Variants in RNMT observed in about 807,000 individuals in gnomAD.
The protein encoded by RNMT is mRNA cap guanine-N(7) methyltransferase.
Under a neutral mutation model 56.0 loss-of-function variants are expected in RNMT, and 27 were observed. The ratio of observed to expected loss-of-function variants is 0.48; its 90% CI spans 0.36 to 0.67. RNMT has a LOEUF of 0.67. RNMT is among the 30% of genes least tolerant of loss of function. The pLI is 0.00. For synonymous variants in RNMT, 184 were observed against 176.2 expected, an observed-to-expected ratio of 1.04 and a Z score of -0.35; for missense variants, 519 against 552.1, an observed-to-expected ratio of 0.94 and a Z score of 0.60.
At chr18:13,746,007 T>C (rs547175009) in intron 8 of RNMT, among the ~76,000 whole-genome samples, 221 of 152,328 alleles carry the variant, frequency 1.5e-3, no homozygotes, top group Middle Eastern at 3.4e-3. Context: ...GTTATACTAA[T>C]AGAGCCCTCT....
intron 11 of RNMT, among the ~76,000 whole-genome samples, chr18:13,754,939 A>G (rs146116453): frequency 6.6e-5 from 10 of 152,236 alleles, no homozygotes; most frequent in Non-Finnish European, 1.2e-4. Flanking sequence ...TCCTGTGTTC[A>G]GAAGAGAAGC....
rs1163458330 is a variant in RNMT, at chr18:13,762,883, G to A, written c.*2904G>A. 8.8e-6 allele frequency: 3 copies of A among 339,160 alleles called. No homozygotes were observed. The highest frequency in any genetic ancestry group is 6.4e-5 in the African/African-American group (3 of 46,642). 21.0% of individuals were successfully genotyped at this position (339,160 alleles called of 1,614,324 possible). On this transcript the variant is annotated 3_prime_UTR_variant, in exon 12 of 12. Coordinates refer to ENST00000383314, the MANE Select transcript of RNMT (RefSeq NM_003799.3). ...CTTTGTAATGAAGGTTTGGCTACTT[G>A]TATAGGTCTGCCTGCAGGGTGAAAA...
chr18:13,736,821 G>A (rs2044165005), intron 4 of RNMT, among the ~76,000 whole-genome samples, 189 bp from the exon 5 acceptor site: 1 of 152,078 alleles, frequency 6.6e-6, no homozygotes, highest in East Asian at 1.9e-4. Flanking sequence ...TTTAATGATA[G>A]AGGATCAGAT....
At position 13,761,209 on chromosome 18, in the gene RNMT, T is replaced by C; in HGVS notation, c.*1230T>C. ...AAACTTTTTAGCAAGAAAATATGGA[T>C]TTCCTCATTTCAGTTCCTTCTGCAG... On this transcript the variant is annotated 3_prime_UTR_variant, in exon 12 of 12. Coordinates refer to ENST00000383314, the MANE Select transcript of RNMT (RefSeq NM_003799.3). 1 of 985,476 alleles carries C rather than the reference T, an allele frequency of 1.0e-6. No homozygotes were observed. The highest frequency in any genetic ancestry group is 1.2e-6 in the Non-Finnish European group (1 of 829,934). 61.0% of individuals were successfully genotyped at this position (985,476 alleles called of 1,614,324 possible). A position where few individuals can be genotyped will look rare whatever the true frequency, so the allele number is the denominator to read the frequency against.
intron 9 of RNMT, among the ~76,000 whole-genome samples, chr18:13,750,616 A>G (rs945533009): frequency 1.8e-4 from 27 of 152,166 alleles, no homozygotes; most frequent in African/African-American, 6.5e-4. Flanking sequence ...CCTGGGCAAC[A>G]TACTGAAACC....
At position 13,746,343 on chromosome 18, in the gene RNMT, T is replaced by A; in HGVS notation, c.1257+6T>A. The A allele has an allele frequency of 2.8e-5, 37 of 1,305,190 alleles. No homozygotes were observed. The highest frequency in any genetic ancestry group is 3.7e-5 in the Non-Finnish European group (34 of 912,348). 80.9% of individuals were successfully genotyped at this position (1,305,190 alleles called of 1,614,324 possible). A position where few individuals can be genotyped will look rare whatever the true frequency, so the allele number is the denominator to read the frequency against. On this transcript the variant is annotated splice_donor_region_variant and intron_variant, in intron 9 of 11. Coordinates refer to ENST00000383314, the MANE Select transcript of RNMT (RefSeq NM_003799.3). ...AACGAATGCAGGCCTTGGAGGTGAG[T>A]ATTTAGAAAAGATGTACAAATTTCA...
chr18:13,759,376 A>T (rs972767643), intron 11 of RNMT, among the ~76,000 whole-genome samples: 8 of 152,206 alleles, frequency 5.3e-5, no homozygotes, highest in Non-Finnish European at 8.8e-5. Context: ...TTTCAGGGAG[A>T]GAGCTCTTGG....
intron 9 of RNMT, among the ~76,000 whole-genome samples, chr18:13,751,429 G>A (rs902512568): frequency 2.6e-5 from 4 of 152,236 alleles, no homozygotes; most frequent in African/African-American, 7.2e-5. Context: ...ACCATCTCAC[G>A]CCAGTTAGAA....
chr18:13,758,634 G>T (rs1168139533), intron 11 of RNMT, among the ~76,000 whole-genome samples: 3 of 152,208 alleles, frequency 2.0e-5, no homozygotes, highest in Admixed American at 6.5e-5. Flanking sequence ...GATCTTTGCA[G>T]ACCACTCAGA....
intron 9 of RNMT, 163 bp from the exon 10 acceptor site, chr18:13,752,160 CTTT>C (rs1035906729): frequency 3.5e-6 from 2 of 564,212 alleles, no homozygotes; most frequent in South Asian, 2.5e-5. Flanking sequence ...AGGATTCTTC[CTTT>C]TTTTTAATTT....
In RNMT at chr18:13,764,043, C is replaced by T. The variant is rs2044650524; in HGVS notation, c.*4064C>T. The T allele has an allele frequency of 2.0e-5, 3 of 152,172 alleles. No homozygotes were observed. The highest frequency in any genetic ancestry group is 7.2e-5 in the African/African-American group (3 of 41,426). 9.4% of individuals were successfully genotyped at this position (152,172 alleles called of 1,614,324 possible). ...CCTTCTTTAGCAGCCCAACCTGTAG[C>T]AAATCTAGTTTAGCCTGCATGGCAG... On this transcript the variant is annotated 3_prime_UTR_variant, in exon 12 of 12. Coordinates refer to ENST00000383314, the MANE Select transcript of RNMT (RefSeq NM_003799.3).
At position 13,728,541 on chromosome 18, in the gene RNMT, G is replaced by A. The variant is rs570550345; in HGVS notation, c.-172+1812G>A. ...GGTAGAGACGGGGTTTCACTATGTTGGCCAGGCTGGTCTAGAACTCCTGAC... is the reference window on the plus strand; with the variant it reads ...GGTAGAGACGGGGTTTCACTATGTTAGCCAGGCTGGTCTAGAACTCCTGAC... On this transcript the variant is annotated intron_variant, in intron 1 of 11. Transcript: ENST00000383314. Among the ~76,000 whole-genome samples, 6 of 151,698 alleles carry A rather than the reference G, an allele frequency of 4.0e-5. No individual in the cohort carries two copies. In the South Asian group the frequency reaches 1.3e-3, roughly 32 times the overall value.
intron 8 of RNMT, among the ~76,000 whole-genome samples, chr18:13,744,156 C>CTTTTTTTT (rs1555794897): frequency 4.6e-4 from 12 of 25,978 alleles, no homozygotes; most frequent in African/African-American, 1.6e-3. Flanking sequence ...ACCTAGCGGT[C>CTTTTTTTT]TTCTTTTTTT....
chr18:13,734,436 A>AT (rs771431496), intron 3 of RNMT, 28 bp from the exon 4 acceptor site: 2 of 1,581,580 alleles, frequency 1.3e-6, no homozygotes, highest in South Asian at 2.4e-5. Flanking sequence ...CTGATCCTTG[A>AT]TTTTTTTCTA....
intron 5 of RNMT, 68 bp downstream of exon 5, chr18:13,737,203 C>A: frequency 1.4e-6 from 2 of 1,395,528 alleles, no homozygotes; most frequent in Non-Finnish European, 9.9e-7. Context: ...GAAGGATTGT[C>A]TCAAATTGCA....
intron 8 of RNMT, among the ~76,000 whole-genome samples, chr18:13,744,018 G>T (rs1044250004): frequency 1.6e-4 from 25 of 151,730 alleles, no homozygotes; most frequent in South Asian, 1.2e-3. Context: ...ATTTAAAAAA[G>T]AACTTAATTG....
In RNMT at chr18:13,760,032, AC is replaced by A; in HGVS notation, c.*54del. 6.3e-7 allele frequency: 1 copy of A among 1,599,174 alleles called. No individual in the cohort carries two copies. ...CGTGTTCTGTCCTGCACAAATTTGAACAACTCATCTCGATATATTTGATATT... is the reference window on the plus strand; with the variant it reads ...CGTGTTCTGTCCTGCACAAATTTGAAAACTCATCTCGATATATTTGATATT... On this transcript the variant is annotated 3_prime_UTR_variant, in exon 12 of 12. Coordinates refer to ENST00000383314, the MANE Select transcript of RNMT (RefSeq NM_003799.3).
rs1385484633 is a variant in RNMT, at chr18:13,753,774, AAAAG to A, written c.1360-336_1360-333del. On this transcript the variant is annotated intron_variant, in intron 10 of 11. Transcript: ENST00000383314. The stretch of plus-strand genomic sequence containing the variant: ...CGACAGAGCAAGGCTCTGTCTCAAA[AAAAG>A]AAAAAAAAAATAATACAAGATAGAT... Among the ~76,000 whole-genome samples the A allele has an allele frequency of 1.6e-4, 17 of 106,714 alleles. No homozygotes were observed. In the South Asian group the frequency reaches 5.4e-3, roughly 34 times the overall value. 70.0% of individuals were successfully genotyped at this position (106,714 alleles called of 152,430 possible). A position where few individuals can be genotyped will look rare whatever the true frequency, so the allele number is the denominator to read the frequency against.
At chr18:13,727,725 A>G (rs1280561637) in intron 1 of RNMT, among the ~76,000 whole-genome samples, 1 of 152,142 alleles carries the variant, frequency 6.6e-6, no homozygotes, top group Non-Finnish European at 1.5e-5. Flanking sequence ...CCCATTAACC[A>G]ATTTCTCTTC....
Sources: allele counts gnomAD v4.1 joint callset (sites outside exome capture counted in the v4.1 genomes callset), GRCh38; gene constraint gnomAD v4.1.1; transcripts MANE v1.5; gene names NCBI Gene and HGNC (gene_info 2026-07-23, HGNC 2026-07-21).